Variants in OOEP observed in about 807,000 individuals in gnomAD.
OOEP encodes the protein oocyte-expressed protein homolog.
Under a neutral mutation model 13.7 loss-of-function variants are expected in OOEP, and 16 were observed. The observed-to-expected ratio is 1.16, with a 90% CI of 0.79 to 1.77. The LOEUF (loss-of-function observed/expected upper bound fraction) is 1.77. Among genes scored for constraint, OOEP ranks in the 40% most tolerant of loss-of-function variants. OOEP has a pLI of 0.00. For missense variants in OOEP, 195 were observed against 193.1 expected, an observed-to-expected ratio of 1.01 and a Z score of -0.06; for synonymous variants, 89 against 77.1, an observed-to-expected ratio of 1.15 and a Z score of -0.81.
In OOEP at chr6:73,368,827, G is replaced by A. The variant is rs758124066; in HGVS notation, c.407C>T (p.Ala136Val). Residue 136 changes from alanine to valine, a missense_variant, in exon 3 of 3, where the codon GCC becomes GTC. Ala to Val is a moderately conservative substitution (Grantham distance 64). Coordinates refer to ENST00000370359, the MANE Select transcript of OOEP (RefSeq NM_001080507.3). ...KMKHLEKNLKAHASDPHSPQD... is the reference protein window; with the variant it reads ...KMKHLEKNLKVHASDPHSPQD... ...GGGAGAGTGGGGGTCTGATGCATGG[G>A]CCTTCAAGTTCTTCTCAAGGTGTTT... 1 of 1,613,458 alleles carries A rather than the reference G, an allele frequency of 6.2e-7. No individual in the cohort carries two copies. Among genetic ancestry groups the A allele is most frequent in the Non-Finnish European group, 8.5e-7 (1 of 1,179,526 alleles).
At chr6:73,368,939 G>T (rs751249838) in intron 2 of OOEP, 76 bp from the exon 3 acceptor site, 148 of 1,166,474 alleles carry the variant, frequency 1.3e-4, no homozygotes, top group Non-Finnish European at 1.8e-4. Context: ...GTGACTGGGA[G>T]TTGGGGAGGA....
At chr6:73,379,306 G>A (rs1769171053) in intron 2 of OOEP, among the ~76,000 whole-genome samples, 1 of 149,578 alleles carries the variant, frequency 6.7e-6, no homozygotes, top group Non-Finnish European at 1.5e-5. Flanking sequence ...TTATAGGTGT[G>A]AGCCACCATG....
chr6:73,387,382 C>T (rs1769287928), intron 2 of OOEP, among the ~76,000 whole-genome samples: 1 of 151,844 alleles, frequency 6.6e-6, no homozygotes, highest in Admixed American at 6.6e-5. Context: ...GGTGTGGTGG[C>T]AGGTGCCTTT....
chr6:73,378,932 A>G (rs758366055), intron 2 of OOEP, among the ~76,000 whole-genome samples: 4 of 152,076 alleles, frequency 2.6e-5, no homozygotes, highest in African/African-American at 9.7e-5. Context: ...ATAGATACTG[A>G]TATTTACTAT....
chr6:73,385,324 C>T (rs987643244), intron 2 of OOEP, among the ~76,000 whole-genome samples: 2 of 151,048 alleles, frequency 1.3e-5, no homozygotes, highest in African/African-American at 2.4e-5. Context: ...CCAGCCTGGG[C>T]GACAGAGCAA....
chr6:73,386,602 A>G (rs907485855), intron 2 of OOEP, among the ~76,000 whole-genome samples: 2 of 152,174 alleles, frequency 1.3e-5, no homozygotes, highest in Non-Finnish European at 1.5e-5. Context: ...GAGTTATTTC[A>G]TTCATGGACT....
At chr6:73,383,541 A>T (rs187605349) in intron 2 of OOEP, among the ~76,000 whole-genome samples, 1 of 152,270 alleles carries the variant, frequency 6.6e-6, no homozygotes, top group East Asian at 1.9e-4. Context: ...AGGCTGAGGC[A>T]GGAGAATAAC....
chr6:73,370,944 G>A (rs1582623752), upstream of OOEP, among the ~76,000 whole-genome samples: 1 of 151,880 alleles, frequency 6.6e-6, no homozygotes, highest in African/African-American at 2.4e-5. Flanking sequence ...ACCACACCCA[G>A]CTATTTTCCA....
chr6:73,374,822 C>CTTAT (rs1293811578), upstream of OOEP, among the ~76,000 whole-genome samples: 3 of 152,042 alleles, frequency 2.0e-5, no homozygotes, highest in Non-Finnish European at 4.4e-5. Flanking sequence ...TATTTATTTA[C>CTTAT]TTATTTATTT....
At chr6:73,374,284 C>T (rs572503946), upstream of OOEP, among the ~76,000 whole-genome samples, 1 of 152,254 alleles carries the variant, frequency 6.6e-6, no homozygotes, top group African/African-American at 2.4e-5. Context: ...GTCGTAATGC[C>T]TGGCTGCCTT....
intron 2 of OOEP, among the ~76,000 whole-genome samples, chr6:73,379,374 G>A (rs1769171878): frequency 6.6e-6 from 1 of 150,456 alleles, no homozygotes; most frequent in African/African-American, 2.4e-5. Flanking sequence ...GCCAGGCATG[G>A]TGGCTCACGC....
At chr6:73,371,031 C>G (rs559282633), upstream of OOEP, among the ~76,000 whole-genome samples, 7 of 152,226 alleles carry the variant, frequency 4.6e-5, no homozygotes, top group African/African-American at 1.4e-4. Context: ...GTTTTGAACT[C>G]CTAGGCTCAA....
intron 2 of OOEP, among the ~76,000 whole-genome samples, chr6:73,388,734 A>C (rs780961987): frequency 2.1e-4 from 32 of 152,244 alleles, no homozygotes; most frequent in Non-Finnish European, 4.0e-4. Context: ...GAGTTTTCTA[A>C]GAATTAAATG....
Position 73,369,809 on chromosome 6 carries a change from G to C in OOEP, c.-17C>G. On this transcript the variant is annotated 5_prime_UTR_variant, in exon 1 of 3. Coordinates refer to ENST00000370359, the MANE Select transcript of OOEP (RefSeq NM_001080507.3). ...ATCGACCATACTGGGACCAGCAGCC[G>C]CGGAGCGCGCTCGAGGCGGCTTTCG... is the stretch of plus-strand genomic sequence containing the variant. 1 of 1,605,826 alleles carries C rather than the reference G, an allele frequency of 6.2e-7. No homozygotes were observed. Among genetic ancestry groups the C allele is most frequent in the East Asian group, 2.2e-5 (1 of 44,702 alleles).
At chr6:73,375,185 A>G (rs973502393) in intron 2 of OOEP, among the ~76,000 whole-genome samples, 1 of 152,176 alleles carries the variant, frequency 6.6e-6, no homozygotes, top group African/African-American at 2.4e-5. Context: ...CTTTGGTTGT[A>G]TTTAAGGTGA....
At chr6:73,378,399 C>A (rs1204141068) in intron 2 of OOEP, among the ~76,000 whole-genome samples, 1 of 152,006 alleles carries the variant, frequency 6.6e-6, no homozygotes, top group African/African-American at 2.4e-5. Flanking sequence ...GCCACTGGGC[C>A]GAGCTACAAA....
At chr6:73,378,933 T>C (rs1769167062) in intron 2 of OOEP, among the ~76,000 whole-genome samples, 1 of 152,134 alleles carries the variant, frequency 6.6e-6, no homozygotes, top group Non-Finnish European at 1.5e-5. Flanking sequence ...TAGATACTGA[T>C]ATTTACTATA....
exon 1 of OOEP, chr6:73,394,971 A>G (rs533782115): frequency 4.3e-6 from 7 of 1,614,268 alleles, no homozygotes; most frequent in East Asian, 2.2e-5. Flanking sequence ...GAAGCTCGAC[A>G]GTGTCCCGAG....
intron 2 of OOEP, among the ~76,000 whole-genome samples, chr6:73,387,971 G>C (rs1769297700): frequency 6.6e-6 from 1 of 152,160 alleles, no homozygotes. Context: ...CTGTGTTCCA[G>C]CGATTCTCAT....
Sources: gnomAD v4.1 joint callset for allele counts (sites outside exome capture counted in the v4.1 genomes callset) on GRCh38, gnomAD v4.1.1 for gene constraint, MANE v1.5 for transcripts, NCBI Gene and HGNC (gene_info 2026-07-23, HGNC 2026-07-21) for gene names.